Variants in OXSR1 observed in about 807,000 individuals in gnomAD.
OXSR1 encodes the protein serine/threonine-protein kinase OSR1.
Under a neutral mutation model 79.8 loss-of-function variants are expected in OXSR1, and 24 were observed. That is an observed-to-expected ratio of 0.30 (90% CI 0.22 to 0.42). The LOEUF is 0.42. OXSR1 is among the 10% of genes least tolerant of loss of function. The pLI is 1.00. For synonymous variants in OXSR1, 226 were observed against 209.2 expected (o/e 1.08, Z -0.69); for missense variants, 430 against 618.4 (o/e 0.70, Z 3.23).
At chr3:38,242,831 G>T (rs1182400217) in intron 12 of OXSR1, 53 bp downstream of exon 12, 4 of 1,135,650 alleles carry the variant, frequency 3.5e-6, no homozygotes, top group Non-Finnish European at 5.2e-6. Flanking sequence ...CTTTTGTTTT[G>T]GTTTCAATTC....
intron 1 of OXSR1, among the ~76,000 whole-genome samples, chr3:38,181,599 G>A (rs1050211546): frequency 2.0e-5 from 3 of 151,796 alleles, no homozygotes; most frequent in Non-Finnish European, 4.4e-5. Context: ...CTCGTGATCC[G>A]CCTGCCTCCC....
intron 4 of OXSR1, among the ~76,000 whole-genome samples, chr3:38,215,046 T>G (rs1221756096): frequency 6.6e-6 from 1 of 152,216 alleles, no homozygotes; most frequent in Non-Finnish European, 1.5e-5. Flanking sequence ...TGACTGTATT[T>G]CCACAAGTTA....
At chr3:38,232,770 G>GA (rs1364570251) in intron 10 of OXSR1, among the ~76,000 whole-genome samples, 10 of 151,558 alleles carry the variant, frequency 6.6e-5, no homozygotes, top group Admixed American at 5.9e-4. Flanking sequence ...AAAACGAAAA[G>GA]AAAAAAGAGA....
chr3:38,189,598 T>G (rs1001880673), intron 2 of OXSR1, among the ~76,000 whole-genome samples: 6 of 152,220 alleles, frequency 3.9e-5, no homozygotes, highest in African/African-American at 1.4e-4. Flanking sequence ...ACACAGTTGA[T>G]CTTATTGAAC....
At chr3:38,211,118 C>G (rs1702377966) in intron 4 of OXSR1, among the ~76,000 whole-genome samples, 1 of 152,218 alleles carries the variant, frequency 6.6e-6, no homozygotes, top group African/African-American at 2.4e-5. Context: ...CTTTGACCCT[C>G]TGCTACCCTC....
At chr3:38,165,458 C>G (rs1396994182), upstream of OXSR1, 2 of 189,816 alleles carry the variant, frequency 1.1e-5, no homozygotes, top group Non-Finnish European at 2.2e-5. Flanking sequence ...CGGCCGGAGG[C>G]GGGCCCGAGG....
intron 8 of OXSR1, among the ~76,000 whole-genome samples, chr3:38,226,526 C>A (rs1388074073): frequency 6.6e-6 from 1 of 152,010 alleles, no homozygotes; most frequent in African/African-American, 2.4e-5. Context: ...AGCAACTTTA[C>A]AATGCACCTC....
In OXSR1 at chr3:38,229,703, C is replaced by T. The variant is rs1250756506; in HGVS notation, c.853C>T (p.Leu285=). Residue 285 remains leucine (L), a synonymous_variant, in exon 9 of 18, where the codon CTA becomes TTA. Coordinates refer to ENST00000311806, the MANE Select transcript of OXSR1 (RefSeq NM_005109.3). The stretch of plus-strand genomic sequence containing the variant: ...TGGTTTTAGACCAACAGCAGCAGAA[C>T]TATTAAGGCACAAATTTTTCCAGAA... ...DPEKRPTAAE[L]LRHKFFQKAK... is the part of the protein sequence containing the mutation. 6.2e-7 allele frequency: 1 copy of T among 1,612,054 alleles called. No individual in the cohort carries two copies.
intron 1 of OXSR1, among the ~76,000 whole-genome samples, chr3:38,170,490 GTTTT>G (rs527654754): frequency 6.7e-6 from 1 of 149,244 alleles, no homozygotes; most frequent in Non-Finnish European, 1.5e-5. Context: ...TTTTTTTCCT[GTTTT>G]TTTTTAAGTG....
At chr3:38,242,891 A>G (rs1703063920) in intron 12 of OXSR1, 113 bp downstream of exon 12, 1 of 521,616 alleles carries the variant, frequency 1.9e-6, no homozygotes, top group Non-Finnish European at 3.4e-6. Context: ...ATGCAACTTT[A>G]TACCAATCGA....
intron 12 of OXSR1, among the ~76,000 whole-genome samples, chr3:38,244,930 C>A (rs1666611883): frequency 6.6e-6 from 1 of 152,128 alleles, no homozygotes; most frequent in South Asian, 2.1e-4. Flanking sequence ...GTTCCAATTT[C>A]TGTGCATCCT....
At chr3:38,209,633 C>CT (rs36124151) in intron 4 of OXSR1, among the ~76,000 whole-genome samples, 1,655 of 132,200 alleles carry the variant, frequency 0.013, 33 homozygotes, top group African/African-American at 0.029. Flanking sequence ...ATCAATTATA[C>CT]TTTTTTTTTT....
chr3:38,199,549 A>G (rs1306513327), intron 4 of OXSR1, among the ~76,000 whole-genome samples: 1 of 152,176 alleles, frequency 6.6e-6, no homozygotes, highest in Non-Finnish European at 1.5e-5. Flanking sequence ...TTTTTAATAA[A>G]TAAGAGCATT....
chr3:38,243,705 G>A (rs942916772), intron 12 of OXSR1, among the ~76,000 whole-genome samples: 5 of 152,122 alleles, frequency 3.3e-5, no homozygotes, highest in Non-Finnish European at 7.4e-5. Context: ...GTACATTTGT[G>A]TATGTGATTA....
intron 2 of OXSR1, among the ~76,000 whole-genome samples, chr3:38,187,700 A>G (rs1701909238): frequency 6.6e-6 from 1 of 152,202 alleles, no homozygotes; most frequent in Non-Finnish European, 1.5e-5. Flanking sequence ...AAGATTTTCA[A>G]GAAAGCAGTT....
intron 4 of OXSR1, among the ~76,000 whole-genome samples, chr3:38,202,878 G>A (rs529258098): frequency 6.6e-5 from 10 of 152,174 alleles, no homozygotes; most frequent in Non-Finnish European, 1.2e-4. Context: ...TAATGTCAGT[G>A]TCTGGGAAGA....
intron 15 of OXSR1, among the ~76,000 whole-genome samples, chr3:38,250,567 A>G (rs1030369710): frequency 1.3e-5 from 2 of 152,156 alleles, no homozygotes; most frequent in African/African-American, 4.8e-5. Flanking sequence ...ACCTTGAACA[A>G]GGTGTGTTTT....
chr3:38,182,991 A>G lies in OXSR1; in HGVS notation c.71-12A>G, dbSNP rs1319227598. 8 of 1,465,364 alleles carry G rather than the reference A, an allele frequency of 5.5e-6. No individual in the cohort carries two copies. The highest frequency in any genetic ancestry group is 1.8e-5 in the Admixed American group (1 of 56,192). 90.8% of individuals were successfully genotyped at this position (1,465,364 alleles called of 1,614,324 possible). A position where few individuals can be genotyped will look rare whatever the true frequency, so the allele number is the denominator to read the frequency against. The stretch of plus-strand genomic sequence containing the variant: ...CATCTACTTATTTACTCTTTTATGT[A>G]TTTGTTTTTAGGGAGTGGAGCAACT... On this transcript the variant is annotated splice_polypyrimidine_tract_variant and intron_variant, in intron 1 of 17. Coordinates refer to ENST00000311806, the MANE Select transcript of OXSR1 (RefSeq NM_005109.3).
intron 10 of OXSR1, among the ~76,000 whole-genome samples, chr3:38,235,710 G>A (rs563760827): frequency 1.3e-5 from 2 of 152,254 alleles, no homozygotes; most frequent in African/African-American, 4.8e-5. Flanking sequence ...CAGCACTTCT[G>A]GAAGCCAAAC....
Sources: gnomAD v4.1 joint callset for allele counts (sites outside exome capture counted in the v4.1 genomes callset) on GRCh38, gnomAD v4.1.1 for gene constraint, MANE v1.5 for transcripts, NCBI Gene and HGNC (gene_info 2026-07-23, HGNC 2026-07-21) for gene names.